SEMA3D: variants seen among roughly 807,000 people sequenced by gnomAD.
SEMA3D encodes the protein semaphorin-3D.
In SEMA3D, 84 loss-of-function variants were observed where a neutral mutation model predicts 100.1. The ratio of observed to expected loss-of-function variants is 0.84; its 90% CI spans 0.70 to 1.01. SEMA3D has a LOEUF of 1.01. Ranked by LOEUF, SEMA3D falls within the 50% of genes least tolerant of loss-of-function variation. The pLI, the probability that SEMA3D is intolerant of heterozygous loss-of-function variation, is 0.00. For missense variants in SEMA3D, 875 were observed against 934.1 expected (o/e 0.94, Z 0.82); for synonymous variants, 312 against 320.7 (o/e 0.97, Z 0.29).
the SEMA3D span, among the ~76,000 whole-genome samples, chr7:85,220,724 C>T: frequency 6.6e-6 from 1 of 152,048 alleles, no homozygotes; most frequent in Non-Finnish European, 1.5e-5. Context: ...TTACTCTTGC[C>T]TGATAAAGAA....
chr7:85,093,414 G>A (rs1448828689), intron 4 of SEMA3D, among the ~76,000 whole-genome samples: 1 of 151,912 alleles, frequency 6.6e-6, no homozygotes, highest in African/African-American at 2.4e-5. Context: ...TTCTTTGTCT[G>A]GATGTGACCC....
chr7:85,171,803 A>AT (rs1791090150), intron 1 of SEMA3D, among the ~76,000 whole-genome samples: 1 of 152,078 alleles, frequency 6.6e-6, no homozygotes, highest in Non-Finnish European at 1.5e-5. Context: ...ATTTATATAT[A>AT]AAAAAGGAAA....
the SEMA3D span, among the ~76,000 whole-genome samples, chr7:85,242,109 T>C: frequency 6.6e-6 from 1 of 152,262 alleles, no homozygotes; most frequent in Middle Eastern, 3.4e-3. Flanking sequence ...ATCCATCTTA[T>C]GGACCTTCTC....
intron 12 of SEMA3D, among the ~76,000 whole-genome samples, chr7:85,033,858 TACAC>T (rs71082183): frequency 0.014 from 1,950 of 141,154 alleles, 30 homozygotes; most frequent in African/African-American, 0.041. Flanking sequence ...ATCACACACA[TACAC>T]ACACACACAC....
rs149139295 is a variant in SEMA3D at position 85,036,988 on chromosome 7, G to A, written c.1092C>T (p.Asp364=). Residue 364 remains aspartate, a synonymous_variant, in exon 12 of 19, where the codon GAC becomes GAT. Coordinates refer to ENST00000284136, the MANE Select transcript of SEMA3D (RefSeq NM_001384900.1). ...ATGGACCATTAAAAACTGCTCTGAT[G>A]TCAGCCATGCTATACACACAAACAG... The part of the protein sequence containing the change: ...GSAVCVYSMA[D]IRAVFNGPYA... 1.4e-4 allele frequency: 221 copies of A among 1,613,232 alleles called. No homozygotes were observed. The highest frequency in any genetic ancestry group is 1.8e-4 in the Non-Finnish European group (209 of 1,179,576).
At chr7:85,089,812 G>A (rs1469537823) in intron 4 of SEMA3D, among the ~76,000 whole-genome samples, 1 of 152,060 alleles carries the variant, frequency 6.6e-6, no homozygotes. Context: ...GATTGTTTGA[G>A]CCCAAGAAGT....
At chr7:85,099,650 T>A (rs1441228848) in intron 3 of SEMA3D, among the ~76,000 whole-genome samples, 1 of 151,948 alleles carries the variant, frequency 6.6e-6, no homozygotes, top group South Asian at 2.1e-4. Context: ...CCACTAGCAA[T>A]GAATCAGAAT....
At chr7:85,055,930 C>A in intron 8 of SEMA3D, 71 bp from the exon 9 acceptor site, 1 of 846,284 alleles carries the variant, frequency 1.2e-6, no homozygotes, top group Non-Finnish European at 1.8e-6. Flanking sequence ...GATGATATTT[C>A]CACGTAAAAG....
At chr7:85,029,111 C>T in intron 12 of SEMA3D, 1 of 597,786 alleles carries the variant, frequency 1.7e-6, no homozygotes, top group Non-Finnish European at 3.2e-6. Context: ...CAGACCTTCA[C>T]TACCTACTCT....
intron 2 of SEMA3D, among the ~76,000 whole-genome samples, chr7:85,139,084 T>C (rs1430519829): frequency 6.6e-6 from 1 of 151,948 alleles, no homozygotes; most frequent in Admixed American, 6.6e-5. Flanking sequence ...GGGAAGAAAT[T>C]CAGATAGAGG....
intron 1 of SEMA3D, among the ~76,000 whole-genome samples, chr7:85,183,390 G>C (rs1332090085): frequency 6.6e-6 from 1 of 152,160 alleles, no homozygotes; most frequent in East Asian, 1.9e-4. Flanking sequence ...TTTTGGAAAA[G>C]AAAAATATGT....
intron 16 of SEMA3D, among the ~76,000 whole-genome samples, chr7:85,013,403 G>GC (rs1790011439): frequency 6.6e-6 from 1 of 151,654 alleles, no homozygotes; most frequent in African/African-American, 2.4e-5. Context: ...ATCTGCTGAT[G>GC]AGTAGCTCAA....
At chr7:85,081,464 C>G (rs1257769556) in intron 5 of SEMA3D, 53 bp downstream of exon 5, 3 of 1,150,658 alleles carry the variant, frequency 2.6e-6, no homozygotes, top group Non-Finnish European at 3.9e-6. Context: ...TAAATATTTG[C>G]TATCATATCA....
At chr7:85,183,405 G>C (rs1328988833) in intron 1 of SEMA3D, among the ~76,000 whole-genome samples, 1 of 152,186 alleles carries the variant, frequency 6.6e-6, no homozygotes, top group Non-Finnish European at 1.5e-5. Context: ...ATATGTGAGA[G>C]TAAATCAGCT....
intron 4 of SEMA3D, among the ~76,000 whole-genome samples, chr7:85,093,635 T>A (rs1022938617): frequency 6.6e-6 from 1 of 152,056 alleles, no homozygotes; most frequent in African/African-American, 2.4e-5. Flanking sequence ...CTGTTAGCTA[T>A]CTATTCCACG....
chr7:85,165,248 AAAAG>A (rs1790871822), intron 1 of SEMA3D, among the ~76,000 whole-genome samples: 1 of 145,294 alleles, frequency 6.9e-6, no homozygotes, highest in East Asian at 2.2e-4. Context: ...GTAAATTAAA[AAAAG>A]AAATATAGAA....
At chr7:85,079,588 G>A (rs1418655806) in intron 5 of SEMA3D, among the ~76,000 whole-genome samples, 1 of 152,132 alleles carries the variant, frequency 6.6e-6, no homozygotes, top group Non-Finnish European at 1.5e-5. Flanking sequence ...GGGCAATTAA[G>A]TTACTATGTA....
At chr7:85,241,457 C>CTGTGTGTG in the SEMA3D span, among the ~76,000 whole-genome samples, 16 of 102,658 alleles carry the variant, frequency 1.6e-4, no homozygotes, top group African/African-American at 7.4e-4. Flanking sequence ...AATAAAGAAA[C>CTGTGTGTG]TGTGTGTGTG....
intron 2 of SEMA3D, among the ~76,000 whole-genome samples, chr7:85,151,324 C>T (rs1030504111): frequency 3.3e-5 from 5 of 151,896 alleles, no homozygotes; most frequent in Non-Finnish European, 7.4e-5. Context: ...CTTTGGAAAT[C>T]TTCAAAATAA....
Sources: allele counts gnomAD v4.1 joint callset (sites outside exome capture counted in the v4.1 genomes callset), GRCh38; gene constraint gnomAD v4.1.1; transcripts MANE v1.5; gene names NCBI Gene and HGNC (gene_info 2026-07-23, HGNC 2026-07-21).